The following PHF3 variants were observed in gnomAD, a reference collection of about 807,000 sequenced individuals.
PHF3 encodes the protein PHD finger protein 3.
In PHF3, 41 loss-of-function variants were observed where a neutral mutation model predicts 178.4. The ratio of observed to expected loss-of-function variants is 0.23; its 90% CI spans 0.18 to 0.30. PHF3 has a LOEUF of 0.30. Ranked by LOEUF, PHF3 falls within the 10% of genes least tolerant of loss-of-function variation. The probability of loss-of-function intolerance (pLI) is 1.00; values close to 1 mark genes in which losing one functional copy is unlikely to be tolerated. For missense variants in PHF3, 2,346 were observed against 2,398.1 expected, an observed-to-expected ratio of 0.98 and a Z score of 0.45; for synonymous variants, 842 against 800.5, an observed-to-expected ratio of 1.05 and a Z score of -0.88.
At chr6:63,680,906 CTGTGCTT>C (rs939346197) in intron 3 of PHF3, among the ~76,000 whole-genome samples, 4 of 152,022 alleles carry the variant, frequency 2.6e-5, no homozygotes, top group Admixed American at 2.6e-4. Context: ...TTCTGGAAGT[CTGTGCTT>C]TGTGCTTTTG....
Position 63,720,838 on chromosome 6 carries a change from T to C in PHF3, c.*7130T>C, listed in dbSNP as rs1768351629. ...TGTGGATCAATATCCTCGGAAAGAATTAGACTGTTATTTATGTAGGCCTTG... is the reference window on the plus strand; with the variant it reads ...TGTGGATCAATATCCTCGGAAAGAACTAGACTGTTATTTATGTAGGCCTTG... On this transcript the variant is annotated 3_prime_UTR_variant, in exon 16 of 16. Transcript: ENST00000262043. The C allele has an allele frequency of 1.3e-6, 2 of 1,551,128 alleles. No homozygotes were observed. Among genetic ancestry groups the C allele is most frequent in the South Asian group, 2.4e-5 (2 of 84,056 alleles).
At chr6:63,648,744 C>T (rs1244205197) in intron 2 of PHF3, among the ~76,000 whole-genome samples, 1 of 151,982 alleles carries the variant, frequency 6.6e-6, no homozygotes, top group Non-Finnish European at 1.5e-5. Flanking sequence ...TAAATTACTT[C>T]CTAAATTTTC....
At chr6:63,638,231 A>T (rs927366887) in intron 1 of PHF3, among the ~76,000 whole-genome samples, 1 of 152,168 alleles carries the variant, frequency 6.6e-6, no homozygotes, top group Admixed American at 6.5e-5. Flanking sequence ...TCTTTGACTT[A>T]TGTAATGTAT....
At chr6:63,659,496 G>A (rs890546040) in intron 2 of PHF3, among the ~76,000 whole-genome samples, 1 of 152,170 alleles carries the variant, frequency 6.6e-6, no homozygotes, top group Admixed American at 6.5e-5. Flanking sequence ...TGAAAAAATA[G>A]TTAAAATGTG....
intron 2 of PHF3, among the ~76,000 whole-genome samples, chr6:63,650,791 G>A (rs1417015182): frequency 6.6e-6 from 1 of 152,118 alleles, no homozygotes; most frequent in Admixed American, 6.5e-5. Context: ...AAAGTTTTGG[G>A]TTTTATGGCT....
rs774741221 is a variant in PHF3 at position 63,712,453 on chromosome 6, A to G, written c.4865A>G (p.Lys1622Arg). ...TCTCCATGCAGATCTAATGTAGGAAAAGGAAACATAGATGGTAATGTGAGC... is the reference window on the plus strand; with the variant it reads ...TCTCCATGCAGATCTAATGTAGGAAGAGGAAACATAGATGGTAATGTGAGC... Reference protein sequence around the residue: ...NSSPCRSNVGKGNIDGNVSCS... With the variant: ...NSSPCRSNVGRGNIDGNVSCS... Residue 1622 changes from lysine (K) to arginine (R), a missense_variant, in exon 16 of 16, where the codon AAA becomes AGA. Around this residue, in one of 8 missense-constraint regions of PHF3, gnomAD observed 839 missense variants for 806.9 expected, o/e 1.04. Coordinates refer to ENST00000262043, the MANE Select transcript of PHF3 (RefSeq NM_001370348.2). 2.5e-6 allele frequency: 4 copies of G among 1,613,954 alleles called. No homozygotes were observed. The highest frequency in any genetic ancestry group is 1.7e-5 in the Admixed American group (1 of 59,972).
rs749481364 is a variant in PHF3, at chr6:63,684,337, A to G, written c.615A>G (p.Gly205=). The stretch of plus-strand genomic sequence containing the variant: ...ATAGAAGGTGCAGCCGAAATAGCGG[A>G]CAAATTGAAGTGGTACCTGAAGTAT... The part of the protein sequence containing the change: ...KENRRCSRNS[G]QIEVVPEVSV... The change falls in exon 4 of 16, where the codon GGA becomes GGG. Residue 205 remains glycine, a synonymous_variant. Coordinates refer to ENST00000262043, the MANE Select transcript of PHF3 (RefSeq NM_001370348.2). 1 of 1,614,028 alleles carries G rather than the reference A, an allele frequency of 6.2e-7. No homozygotes were observed. The highest frequency in any genetic ancestry group is 1.1e-5 in the South Asian group (1 of 91,082).
intron 4 of PHF3, among the ~76,000 whole-genome samples, chr6:63,688,056 C>T (rs1467581690): frequency 2.6e-5 from 4 of 151,222 alleles, no homozygotes; most frequent in Admixed American, 6.6e-5. Context: ...TGCTGGCGGG[C>T]GCCTGTAGTC....
intron 4 of PHF3, among the ~76,000 whole-genome samples, chr6:63,689,975 T>C (rs1022353994): frequency 6.6e-6 from 1 of 152,172 alleles, no homozygotes; most frequent in Non-Finnish European, 1.5e-5. Flanking sequence ...AGACAGTTGC[T>C]TTCAAGAAAT....
At chr6:63,671,703 C>T (rs1765923914) in intron 2 of PHF3, among the ~76,000 whole-genome samples, 1 of 152,138 alleles carries the variant, frequency 6.6e-6, no homozygotes, top group African/African-American at 2.4e-5. Flanking sequence ...TCTAGTATCT[C>T]TGAGGGTTGT....
At position 63,720,916 on chromosome 6, in the gene PHF3, A is replaced by G. The variant is rs1392832730; in HGVS notation, c.*7208A>G. The G allele has an allele frequency of 7.1e-6, 11 of 1,550,922 alleles. No individual in the cohort carries two copies. The highest frequency in any genetic ancestry group is 2.0e-5 in the Admixed American group (1 of 50,946). ...ACATGGTGCCATTTATTACAACAGAATGTGCCATTGTTATAGCTCATAGGC... is the reference window on the plus strand; with the variant it reads ...ACATGGTGCCATTTATTACAACAGAGTGTGCCATTGTTATAGCTCATAGGC... On this transcript the variant is annotated 3_prime_UTR_variant, in exon 16 of 16. Transcript: ENST00000262043.
intron 3 of PHF3, among the ~76,000 whole-genome samples, chr6:63,680,398 A>ATTTT (rs994238749): frequency 8.5e-6 from 1 of 117,598 alleles, no homozygotes; most frequent in Non-Finnish European, 1.8e-5. Context: ...AGCTGGTTTA[A>ATTTT]TTTTTTTTTT....
At chr6:63,646,403 TA>T in intron 1 of PHF3, 123 bp from the exon 2 acceptor site, 1 of 564,780 alleles carries the variant, frequency 1.8e-6, no homozygotes, top group Non-Finnish European at 2.8e-6. Flanking sequence ...ATTTTTTTTT[TA>T]AACAACAATT....
chr6:63,644,903 T>G (rs915763930), intron 1 of PHF3, among the ~76,000 whole-genome samples: 131 of 149,744 alleles, frequency 8.7e-4, no homozygotes, highest in Middle Eastern at 3.4e-3. Flanking sequence ...TTTTTTTTTT[T>G]GGGCACAGGT....
At chr6:63,644,718 T>A (rs79049765) in intron 1 of PHF3, among the ~76,000 whole-genome samples, 10,818 of 151,838 alleles carry the variant, frequency 0.071, 736 homozygotes, top group African/African-American at 0.18. Context: ...GCTTTTTTTT[T>A]AAAAAAAATT....
At chr6:63,705,904 C>T in intron 11 of PHF3, 125 bp from the exon 12 acceptor site, 2 of 678,676 alleles carry the variant, frequency 2.9e-6, no homozygotes, top group Non-Finnish European at 4.8e-6. Flanking sequence ...AGATATAACC[C>T]CAGGAAATGT....
intron 2 of PHF3, among the ~76,000 whole-genome samples, chr6:63,664,856 C>A (rs948521257): frequency 6.6e-6 from 1 of 151,630 alleles, no homozygotes; most frequent in Non-Finnish European, 1.5e-5. Context: ...AGTTATTGTA[C>A]AATAACTACA....
Position 63,712,924 on chromosome 6 carries a change from G to A in PHF3, c.5336G>A (p.Ser1779Asn). 4 of 1,613,988 alleles carry A rather than the reference G, an allele frequency of 2.5e-6. No homozygotes were observed. The highest frequency in any genetic ancestry group is 4.5e-5 in the East Asian group (2 of 44,872). Residue 1779 changes from serine to asparagine, a missense_variant, in exon 16 of 16, where the codon AGC becomes AAC. Transcript: ENST00000262043. ...TGTCCATCAGAATTTCCTTCTAAAAGCATCACCTTTACTTCCAGAAGCACC... is the reference window on the plus strand; with the variant it reads ...TGTCCATCAGAATTTCCTTCTAAAAACATCACCTTTACTTCCAGAAGCACC... ...NTCPSEFPSK[S>N]ITFTSRSTSP...
intron 6 of PHF3, 37 bp from the exon 7 acceptor site, chr6:63,698,186 A>G: frequency 6.6e-7 from 1 of 1,511,874 alleles, no homozygotes; most frequent in East Asian, 2.3e-5. Context: ...ATATTTTTAA[A>G]AGCAATGTAA....
Sources: gnomAD v4.1 joint callset for allele counts (sites outside exome capture counted in the v4.1 genomes callset) on GRCh38, gnomAD v4.1.1 for gene constraint, gnomAD v4.1.1 regional missense constraint, MANE v1.5 for transcripts, NCBI Gene and HGNC (gene_info 2026-07-23, HGNC 2026-07-21) for gene names.